Variants in PAX5 observed in about 807,000 individuals in gnomAD.
The protein encoded by PAX5 is paired box 5.
PAX5 carries 9 observed loss-of-function variants against 43.7 expected under a neutral mutation model. That is an observed-to-expected ratio of 0.21 (90% CI 0.12 to 0.36). The LOEUF (loss-of-function observed/expected upper bound fraction) is 0.36, where lower values mean the gene tolerates loss of function less well. Among genes scored for constraint, PAX5 ranks in the 10% least tolerant of loss-of-function variants. PAX5 has a pLI of 1.00. For missense variants in PAX5, 383 were observed against 532.7 expected (o/e 0.72, Z 2.77); for synonymous variants, 228 against 214.3 (o/e 1.06, Z -0.56).
At position 36,941,979 on chromosome 9, in the gene PAX5, T is replaced by A. The variant is rs560882157; in HGVS notation, c.781-18495A>T. Among the ~76,000 whole-genome samples, 3 of 152,302 alleles carry A rather than the reference T, an allele frequency of 2.0e-5. No homozygotes were observed. The South Asian group carries it at 6.2e-4, about 32-fold the overall frequency. On this transcript the variant is annotated intron_variant, in intron 6 of 9. Transcript: ENST00000358127. ...TCTGCTTCCTGAAGAATAATAGTGG[T>A]AGTAAAAATAATAATAGCAGCACTC...
At chr9:36,886,960 ATTTGG>A (rs1251763895) in intron 7 of PAX5, among the ~76,000 whole-genome samples, 2 of 152,202 alleles carry the variant, frequency 1.3e-5, no homozygotes, top group African/African-American at 4.8e-5. Flanking sequence ...GAAGAGACAC[ATTTGG>A]TTTGAAATAA....
intron 7 of PAX5, among the ~76,000 whole-genome samples, chr9:36,883,085 G>C (rs1826589669): frequency 6.6e-6 from 1 of 152,206 alleles, no homozygotes; most frequent in South Asian, 2.1e-4. Context: ...GGATGGATAA[G>C]AGGATCGTGA....
chr9:36,988,040 G>GGGGGAGCGGC, intron 5 of PAX5, among the ~76,000 whole-genome samples: 1 of 152,304 alleles, frequency 6.6e-6, no homozygotes, highest in East Asian at 1.9e-4. Context: ...GAAGGAGGGA[G>GGGGGAGCGGC]GGGGAGCGGC....
At position 36,916,910 on chromosome 9, in the gene PAX5, C is replaced by T. The variant is rs372026392; in HGVS notation, c.910+6445G>A. Among the ~76,000 whole-genome samples, 40 of 152,238 alleles carry T rather than the reference C, an allele frequency of 2.6e-4. No homozygotes were observed. The East Asian group carries it at 6.6e-3, about 25-fold the overall frequency. ...ATGTTGACCAGGCTGATCTCAAACTCCTGACCTCAAATGATCCGCCTGCCT... is the reference window on the plus strand; with the variant it reads ...ATGTTGACCAGGCTGATCTCAAACTTCTGACCTCAAATGATCCGCCTGCCT... On this transcript the variant is annotated intron_variant, in intron 7 of 9. Transcript: ENST00000358127.
At chr9:36,927,215 T>A (rs989899628) in intron 6 of PAX5, among the ~76,000 whole-genome samples, 55 of 152,202 alleles carry the variant, frequency 3.6e-4, no homozygotes, top group Middle Eastern at 3.4e-3. Flanking sequence ...AGAGTCAGCA[T>A]CCCTGCACCC....
chr9:36,930,832 G>A (rs1831062069), intron 6 of PAX5: 6 of 1,304,126 alleles, frequency 4.6e-6, no homozygotes, highest in East Asian at 9.4e-5. Context: ...GACTCAAGGA[G>A]GCACGTGCCC....
At chr9:36,880,551 AT>A (rs1826321530) in intron 8 of PAX5, among the ~76,000 whole-genome samples, 1 of 152,156 alleles carries the variant, frequency 6.6e-6, no homozygotes, top group African/African-American at 2.4e-5. Context: ...CTATTTATTT[AT>A]TACATTATTA....
At chr9:36,892,123 T>G (rs763591618) in intron 7 of PAX5, among the ~76,000 whole-genome samples, 3 of 152,020 alleles carry the variant, frequency 2.0e-5, no homozygotes, top group Non-Finnish European at 4.4e-5. Context: ...AAAGTCAGGG[T>G]TCTAATTAGG....
chr9:36,969,951 T>C (rs919282490), intron 5 of PAX5, among the ~76,000 whole-genome samples: 1 of 152,258 alleles, frequency 6.6e-6, no homozygotes, highest in African/African-American at 2.4e-5. Flanking sequence ...TAGTTATTCA[T>C]TGGTTTAACA....
intron 6 of PAX5, among the ~76,000 whole-genome samples, chr9:36,926,331 T>C (rs184043102): frequency 6.6e-6 from 1 of 152,316 alleles, no homozygotes; most frequent in East Asian, 1.9e-4. Flanking sequence ...GTCTCCCACA[T>C]AGAAAGGATA....
In PAX5 at chr9:36,936,850, GCACA is replaced by G. The variant is rs3059895; in HGVS notation, c.781-13370_781-13367del. Reference sequence around the variant, plus strand: ...CACATGCACACACACACACACACATGCACACACACACACACACACACACTCCTCA... The same window carrying G: ...CACATGCACACACACACACACACATGCACACACACACACACACACTCCTCA... On this transcript the variant is annotated intron_variant, in intron 6 of 9. Coordinates refer to ENST00000358127, the MANE Select transcript of PAX5 (RefSeq NM_016734.3). 1.7e-3 allele frequency among the ~76,000 whole-genome samples: 247 copies of G among 145,486 alleles called. 1 individual carries two copies. The highest frequency in any genetic ancestry group is 3.9e-3 in the African/African-American group (147 of 38,062).
intron 1 of PAX5, among the ~76,000 whole-genome samples, chr9:37,025,211 C>T (rs1329874392): frequency 6.6e-6 from 1 of 152,172 alleles, no homozygotes; most frequent in Non-Finnish European, 1.5e-5. Context: ...ACTTCAGACT[C>T]AGAAAATTGA....
intron 7 of PAX5, among the ~76,000 whole-genome samples, chr9:36,886,104 A>C: frequency 6.6e-6 from 1 of 152,146 alleles, no homozygotes; most frequent in East Asian, 1.9e-4. Flanking sequence ...GAGGGGGCAC[A>C]TGTGGAGCAG....
intron 6 of PAX5, among the ~76,000 whole-genome samples, chr9:36,941,214 G>A (rs998327646): frequency 6.6e-6 from 1 of 152,356 alleles, no homozygotes; most frequent in African/African-American, 2.4e-5. Context: ...CTTTGCCCCT[G>A]TGTGCCTCAG....
intron 7 of PAX5, among the ~76,000 whole-genome samples, chr9:36,919,802 T>C (rs1482174575): frequency 7.8e-6 from 1 of 127,780 alleles, no homozygotes; most frequent in Non-Finnish European, 1.5e-5. Flanking sequence ...ATCATGCCAC[T>C]GCACTCCAGC....
intron 7 of PAX5, among the ~76,000 whole-genome samples, chr9:36,897,785 G>A (rs983249592): frequency 3.3e-5 from 5 of 152,190 alleles, no homozygotes; most frequent in Non-Finnish European, 7.3e-5. Flanking sequence ...AGTCCAGGGC[G>A]CTCATGTCCC....
chr9:36,938,985 T>C (rs1278591475), intron 6 of PAX5, among the ~76,000 whole-genome samples: 2 of 152,210 alleles, frequency 1.3e-5, no homozygotes, highest in Non-Finnish European at 2.9e-5. Flanking sequence ...TCAGAACTCC[T>C]TCTCTCCCCA....
intron 7 of PAX5, among the ~76,000 whole-genome samples, chr9:36,902,785 A>T (rs1250476293): frequency 6.6e-6 from 1 of 152,274 alleles, no homozygotes; most frequent in African/African-American, 2.4e-5. Context: ...ACACTGGCAC[A>T]GACGGCTATT....
chr9:37,004,821 G>T (rs968750658), intron 4 of PAX5, among the ~76,000 whole-genome samples: 4 of 152,108 alleles, frequency 2.6e-5, no homozygotes, highest in African/African-American at 9.7e-5. Context: ...TTGTGATTGC[G>T]CTAGGCTCAA....
Sources: gnomAD v4.1 joint callset for allele counts (sites outside exome capture counted in the v4.1 genomes callset) on GRCh38, gnomAD v4.1.1 for gene constraint, MANE v1.5 for transcripts, NCBI Gene and HGNC (gene_info 2026-07-23, HGNC 2026-07-21) for gene names.